CRACD: variants seen among roughly 807,000 people sequenced by gnomAD.
The protein encoded by CRACD is capping protein inhibiting regulator of actin dynamics.
Under a neutral mutation model 106.8 loss-of-function variants are expected in CRACD, and 56 were observed. The observed-to-expected ratio is 0.52, with a 90% CI of 0.42 to 0.66. The LOEUF is 0.66. Among genes scored for constraint, CRACD ranks in the 30% least tolerant of loss-of-function variants. The pLI is 0.00. For synonymous variants in CRACD, 754 were observed against 670.8 expected, an observed-to-expected ratio of 1.12 and a Z score of -1.92; for missense variants, 1,730 against 1,623.2, an observed-to-expected ratio of 1.07 and a Z score of -1.13.
intron 1 of CRACD, among the ~76,000 whole-genome samples, chr4:56,114,425 G>A (rs770654138): frequency 1.7e-4 from 26 of 151,956 alleles, no homozygotes; most frequent in Non-Finnish European, 3.5e-4. Context: ...CATTTCATTG[G>A]CCAGAAATAG....
chr4:56,262,679 C>G (rs1741776703), intron 2 of CRACD, among the ~76,000 whole-genome samples: 1 of 152,178 alleles, frequency 6.6e-6, no homozygotes, highest in Admixed American at 6.5e-5. Flanking sequence ...CACGTTGAAA[C>G]AAATTTGCAC....
chr4:56,180,791 G>A (rs970084584), intron 2 of CRACD, among the ~76,000 whole-genome samples: 3 of 152,282 alleles, frequency 2.0e-5, no homozygotes, highest in African/African-American at 7.2e-5. Context: ...TAAGATGCAT[G>A]TTACCTCTAC....
chr4:56,273,403 C>G lies in CRACD; in HGVS notation c.-17+911C>G, dbSNP rs138663902. ...TCCCTCCTTTCTTCCCTCTCTCTCC[C>G]CCACTTCTCCCTTTCTTCCCTTCCT... On this transcript the variant is annotated intron_variant, in intron 3 of 10. Transcript: ENST00000682029. Among the ~76,000 whole-genome samples, 42 of 151,070 alleles carry G rather than the reference C, an allele frequency of 2.8e-4. No homozygotes were observed. In the East Asian group the frequency reaches 7.8e-3, roughly 28 times the overall value.
chr4:56,090,724 G>C (rs1202708150), intron 1 of CRACD, among the ~76,000 whole-genome samples: 2 of 152,136 alleles, frequency 1.3e-5, no homozygotes, highest in Admixed American at 1.3e-4. Context: ...ATGGCTCAGA[G>C]GCTAGAAGAC....
At chr4:56,288,767 A>C (rs1743526563) in intron 3 of CRACD, among the ~76,000 whole-genome samples, 1 of 152,204 alleles carries the variant, frequency 6.6e-6, no homozygotes. Context: ...CCGTGTCTAC[A>C]CATAGATATG....
rs11276076 is a variant in CRACD at position 56,314,410 on chromosome 4, C to CGGAGCGGAGGGAGCG, written c.909_923dup (p.Arg305_Glu309dup). On this transcript the variant is annotated inframe_insertion, in exon 8 of 11. Transcript: ENST00000682029. The surrounding 1 kb of genome is among the most constrained non-coding windows in gnomAD (Gnocchi z 4.4). The stretch of plus-strand genomic sequence containing the variant: ...CTGGAAGCGCCAGGTTGGGAGGACG[C>CGGAGCGGAGGGAGCG]GGAGCGGAGGGAGCGTGAGGAGCGC... 39 of 1,540,992 alleles carry CGGAGCGGAGGGAGCG rather than the reference C, an allele frequency of 2.5e-5. No homozygotes were observed. In the Middle Eastern group the frequency reaches 1.1e-3, roughly 45 times the overall value.
chr4:56,267,559 A>G (rs1266814583), intron 2 of CRACD, among the ~76,000 whole-genome samples: 3 of 152,206 alleles, frequency 2.0e-5, no homozygotes, highest in Admixed American at 6.5e-5. Context: ...TAATGATAGC[A>G]TCTATGTTCT....
At chr4:56,292,157 T>C (rs951949252) in intron 3 of CRACD, among the ~76,000 whole-genome samples, 2 of 152,226 alleles carry the variant, frequency 1.3e-5, no homozygotes, top group African/African-American at 2.4e-5. Context: ...ATAAATTGGC[T>C]GCATTGTGTT....
At chr4:56,092,821 C>T (rs112194402) in intron 1 of CRACD, among the ~76,000 whole-genome samples, 30 of 152,154 alleles carry the variant, frequency 2.0e-4, no homozygotes, top group African/African-American at 6.0e-4. Context: ...TTCCTAGGCT[C>T]GTCTCGAACT....
chr4:56,313,150 G>A, intron 6 of CRACD, 47 bp from the exon 7 acceptor site: 1 of 1,548,476 alleles, frequency 6.5e-7, no homozygotes, highest in Non-Finnish European at 8.9e-7. Context: ...TTCCCTGCAG[G>A]TTGTCTTCTG....
chr4:56,327,741 C>G lies in CRACD; in HGVS notation c.3639C>G (p.Ala1213=). ...CTGCCCCCGTGTCAACAGAACCAGC[C>G]TGGCTGGCTTTGGCCAAAAGGAAAG... The part of the protein sequence containing the change: ...PDAAPVSTEP[A]WLALAKRKAK... The change falls in exon 11 of 11, where the codon GCC becomes GCG. Residue 1213 remains alanine, a synonymous_variant. Coordinates refer to ENST00000682029, the MANE Select transcript of CRACD (RefSeq NM_001393381.1). 6.2e-7 allele frequency: 1 copy of G among 1,614,212 alleles called. No individual in the cohort carries two copies. Among genetic ancestry groups the G allele is most frequent in the South Asian group, 1.1e-5 (1 of 91,084 alleles).
intron 2 of CRACD, among the ~76,000 whole-genome samples, chr4:56,184,556 C>T (rs757927659): frequency 1.3e-5 from 2 of 152,196 alleles, no homozygotes; most frequent in East Asian, 1.9e-4. Context: ...TCCTCGATTG[C>T]CTTTTGGTTA....
intron 3 of CRACD, among the ~76,000 whole-genome samples, chr4:56,276,634 T>TGA (rs1742690195): frequency 1.3e-5 from 2 of 152,154 alleles, no homozygotes; most frequent in African/African-American, 4.8e-5. Context: ...AGCTTATAAA[T>TGA]CCCTGAGCCA....
chr4:56,117,562 G>A (rs1454541389), intron 1 of CRACD, among the ~76,000 whole-genome samples: 1 of 152,088 alleles, frequency 6.6e-6, no homozygotes. Context: ...AATGGATACA[G>A]GTTTCAGTTT....
intron 1 of CRACD, among the ~76,000 whole-genome samples, chr4:56,077,691 T>G (rs1365437835): frequency 6.6e-6 from 1 of 152,194 alleles, no homozygotes; most frequent in Non-Finnish European, 1.5e-5. Flanking sequence ...TTTCATTCCT[T>G]CTTTGCACGT....
At chr4:56,144,139 G>A (rs574342698) in intron 1 of CRACD, among the ~76,000 whole-genome samples, 3 of 152,268 alleles carry the variant, frequency 2.0e-5, no homozygotes, top group South Asian at 2.1e-4. Context: ...ACAGGTGAGG[G>A]AGCACATGGT....
At chr4:56,182,993 G>A (rs1226833099) in intron 2 of CRACD, among the ~76,000 whole-genome samples, 1 of 151,594 alleles carries the variant, frequency 6.6e-6, no homozygotes, top group East Asian at 2.0e-4. Context: ...AGTACTTTGG[G>A]AGGCCAAGGA....
intron 1 of CRACD, among the ~76,000 whole-genome samples, chr4:56,072,280 T>C (rs76974749): frequency 6.6e-6 from 1 of 152,160 alleles, no homozygotes; most frequent in Non-Finnish European, 1.5e-5. Context: ...TTTCTACCTT[T>C]CGTGCTATAA....
At chr4:56,115,357 A>G (rs1734243540) in intron 1 of CRACD, among the ~76,000 whole-genome samples, 1 of 152,206 alleles carries the variant, frequency 6.6e-6, no homozygotes, top group South Asian at 2.1e-4. Context: ...CTTTTGGACA[A>G]ATCATCTTTA....
Sources: gnomAD v4.1 joint callset for allele counts (sites outside exome capture counted in the v4.1 genomes callset) on GRCh38, gnomAD v4.1.1 for gene constraint, Gnocchi (gnomAD v3.1) non-coding constraint, MANE v1.5 for transcripts, NCBI Gene and HGNC (gene_info 2026-07-23, HGNC 2026-07-21) for gene names.